The following TCF3 variants were observed in gnomAD, a reference collection of about 807,000 sequenced individuals.
The protein encoded by TCF3 is transcription factor E2-alpha.
In TCF3, 54 loss-of-function variants were observed where a neutral mutation model predicts 72.3. The observed-to-expected ratio is 0.75, with a 90% CI of 0.60 to 0.94. TCF3 has a LOEUF of 0.94. TCF3 is among the 40% of genes least tolerant of loss of function. The pLI is 0.00. For missense variants in TCF3, 1,078 were observed against 934.4 expected (o/e 1.15, Z -2.00); for synonymous variants, 525 against 412.6 (o/e 1.27, Z -3.30).
chr19:1,648,351 C>T (rs977508169), intron 2 of TCF3, among the ~76,000 whole-genome samples: 1 of 152,160 alleles, frequency 6.6e-6, no homozygotes, highest in Non-Finnish European at 1.5e-5. Context: ...GGGTAAAGCC[C>T]GAGGGGGGAC....
chr19:1,648,827 G>GC (rs910933432), intron 2 of TCF3, among the ~76,000 whole-genome samples: 2 of 150,866 alleles, frequency 1.3e-5, no homozygotes, highest in East Asian at 2.0e-4. Flanking sequence ...TGGGGGGGGG[G>GC]GGGGAGCAGA....
At chr19:1,634,085 A>T (rs2064073189) in intron 3 of TCF3, among the ~76,000 whole-genome samples, 1 of 152,198 alleles carries the variant, frequency 6.6e-6, no homozygotes, top group South Asian at 2.1e-4. Context: ...AGTTCACTCC[A>T]ACAGGCCTGT....
At position 1,614,604 on chromosome 19, in the gene TCF3, C is replaced by A. The variant is rs746143626; in HGVS notation, c.1822+681G>T. ...CCGGGCCGGGGCTCTGGCTCCGGTC[C>A]CAGCAACAGTGCTGCAGGAGAGAAA... On this transcript the variant is annotated intron_variant, in intron 18 of 18. Coordinates refer to ENST00000262965, the MANE Select transcript of TCF3 (RefSeq NM_003200.5). This position sits in a 1 kb window ranked among gnomAD's most constrained non-coding sequence, Gnocchi z 5.6. 6.6e-6 allele frequency among the ~76,000 whole-genome samples: 1 copy of A among 152,046 alleles called. No homozygotes were observed. Among genetic ancestry groups the A allele is most frequent in the African/African-American group, 2.4e-5 (1 of 41,400 alleles).
At position 1,622,234 on chromosome 19, in the gene TCF3, G is replaced by C; in HGVS notation, c.653-11C>G. 4 of 1,535,064 alleles carry C rather than the reference G, an allele frequency of 2.6e-6. No homozygotes were observed. The highest frequency in any genetic ancestry group is 3.5e-6 in the Non-Finnish European group (4 of 1,140,782). On this transcript the variant is annotated splice_polypyrimidine_tract_variant and intron_variant, in intron 9 of 18. Coordinates refer to ENST00000262965, the MANE Select transcript of TCF3 (RefSeq NM_003200.5). ...GGTGCAGGCTGCCATCTGTGGAGGG[G>C]AGCTGGTAAGGTGGGGGCCGAGTGG... is the stretch of plus-strand genomic sequence containing the variant.
intron 16 of TCF3, among the ~76,000 whole-genome samples, chr19:1,618,033 G>T (rs2061730540): frequency 6.6e-6 from 1 of 152,146 alleles, no homozygotes; most frequent in Admixed American, 6.5e-5. Context: ...ACAGGGCCAG[G>T]ACAGCGCCCA....
chr19:1,636,812 G>A (rs1335330022), intron 3 of TCF3, among the ~76,000 whole-genome samples: 2 of 152,098 alleles, frequency 1.3e-5, no homozygotes, highest in African/African-American at 2.4e-5. Context: ...GGGGGCTGAC[G>A]AGATCCCGCA....
At chr19:1,612,361 C>T (rs547044513) in intron 18 of TCF3, 15 of 1,613,950 alleles carry the variant, frequency 9.3e-6, no homozygotes, top group East Asian at 2.2e-5. Context: ...CCCGCTCCCG[C>T]GCGTTATTGG....
intron 18 of TCF3, chr19:1,612,400 T>C: frequency 6.2e-7 from 1 of 1,613,804 alleles, no homozygotes; most frequent in South Asian, 1.1e-5. Flanking sequence ...CCCTCAGGTC[T>C]TTCTCCTCCA....
chr19:1,623,665 T>G (rs2062531300), intron 8 of TCF3, among the ~76,000 whole-genome samples: 1 of 152,168 alleles, frequency 6.6e-6, no homozygotes, highest in African/African-American at 2.4e-5. Flanking sequence ...ATGACAGGCA[T>G]GAGCCACCAC....
rs753354737 is a variant in TCF3, at chr19:1,611,860, G to T, written c.1823-11C>A. ...GATTCAGGTTCCGCTCTGGAGGGAGGGGGGAGAGCTCTGTGGGAGACGGTC... is the reference window on the plus strand; with the variant it reads ...GATTCAGGTTCCGCTCTGGAGGGAGTGGGGAGAGCTCTGTGGGAGACGGTC... On this transcript the variant is annotated splice_polypyrimidine_tract_variant and intron_variant, in intron 18 of 18. Transcript: ENST00000262965. The T allele has an allele frequency of 1.5e-5, 24 of 1,605,664 alleles. No homozygotes were observed. The highest frequency in any genetic ancestry group is 1.7e-4 in the Middle Eastern group (1 of 6,052).
chr19:1,639,564 G>A (rs1267126538), intron 3 of TCF3, among the ~76,000 whole-genome samples: 1 of 152,098 alleles, frequency 6.6e-6, no homozygotes, highest in Admixed American at 6.6e-5. Context: ...TATCCCTCAA[G>A]TACTCACAAA....
At chr19:1,642,292 G>A (rs528981031) in intron 3 of TCF3, among the ~76,000 whole-genome samples, 3 of 150,718 alleles carry the variant, frequency 2.0e-5, no homozygotes, top group East Asian at 2.0e-4. Context: ...ACGCGCACAC[G>A]CACAGACACA....
chr19:1,638,164 G>T (rs937383803), intron 3 of TCF3, among the ~76,000 whole-genome samples: 2 of 152,164 alleles, frequency 1.3e-5, no homozygotes, highest in Admixed American at 6.5e-5. Context: ...GCCCTCTGGG[G>T]GCACTTTGTG....
At chr19:1,640,788 A>T (rs2145346358) in intron 3 of TCF3, among the ~76,000 whole-genome samples, 1 of 147,720 alleles carries the variant, frequency 6.8e-6, no homozygotes, top group African/African-American at 2.5e-5. Context: ...TGGGTGACAG[A>T]GCATGACTCC....
At position 1,619,436 on chromosome 19, in the gene TCF3, G is replaced by A. The variant is rs551765869; in HGVS notation, c.1206C>T (p.His402=). 3.7e-5 allele frequency: 59 copies of A among 1,590,700 alleles called. No individual in the cohort carries two copies. Among genetic ancestry groups the A allele is most frequent in the South Asian group, 8.8e-5 (8 of 90,710 alleles). The change falls in exon 15 of 19, where the codon CAC becomes CAT. Residue 402 remains histidine, a synonymous_variant. Coordinates refer to ENST00000262965, the MANE Select transcript of TCF3 (RefSeq NM_003200.5). ...KIEDHLDEAI[H]VLRSHAVGTA... ...TGCCCACGGCGTGGCTGCGGAGCAC[G>A]TGGATGGCCTCGTCCAGGTGGTCTT...
At chr19:1,617,493 G>C (rs912845242) in intron 16 of TCF3, among the ~76,000 whole-genome samples, 3 of 152,234 alleles carry the variant, frequency 2.0e-5, no homozygotes, top group Non-Finnish European at 2.9e-5. Flanking sequence ...CATTCAGCAG[G>C]GCCTGGGCCA....
At chr19:1,646,156 G>A (rs973321501) in intron 3 of TCF3, among the ~76,000 whole-genome samples, 199 bp downstream of exon 3, 8 of 152,272 alleles carry the variant, frequency 5.3e-5, no homozygotes, top group East Asian at 3.9e-4. Context: ...TCAGGGGCTC[G>A]GGCTCCCAAG....
chr19:1,627,620 G>C (rs1008086744), intron 5 of TCF3, among the ~76,000 whole-genome samples, 194 bp from the exon 6 acceptor site: 2 of 152,166 alleles, frequency 1.3e-5, no homozygotes, highest in East Asian at 1.9e-4. Context: ...CCCATCTCCC[G>C]CAGAGCCCTG....
At chr19:1,650,714 A>C (rs945942394) in intron 1 of TCF3, 2 of 231,768 alleles carry the variant, frequency 8.6e-6, no homozygotes, top group Non-Finnish European at 1.7e-5. Flanking sequence ...GCCCGATCCT[A>C]CCCCGCCCCG....
Sources: gnomAD v4.1 joint callset for allele counts (sites outside exome capture counted in the v4.1 genomes callset) on GRCh38, gnomAD v4.1.1 for gene constraint, Gnocchi (gnomAD v3.1) non-coding constraint, MANE v1.5 for transcripts, NCBI Gene and HGNC (gene_info 2026-07-23, HGNC 2026-07-21) for gene names.